Variants in ADAMTSL1 observed in about 807,000 individuals in gnomAD.
The protein encoded by ADAMTSL1 is ADAMTS-like protein 1.
In ADAMTSL1, 126 loss-of-function variants were observed where a neutral mutation model predicts 201.8. That is an observed-to-expected ratio of 0.62 (90% confidence interval 0.54 to 0.72). The LOEUF is 0.72. ADAMTSL1 is among the 30% of genes least tolerant of loss of function. The probability of loss-of-function intolerance (pLI) is 0.00; values close to 1 mark genes in which losing one functional copy is unlikely to be tolerated. For synonymous variants in ADAMTSL1, 1,121 were observed against 903.4 expected, an observed-to-expected ratio of 1.24 and a Z score of -4.32; for missense variants, 2,679 against 2,277.8, an observed-to-expected ratio of 1.18 and a Z score of -3.59.
intron 1 of ADAMTSL1, among the ~76,000 whole-genome samples, chr9:18,049,584 C>T (rs1335622943): frequency 6.6e-6 from 1 of 151,254 alleles, no homozygotes; most frequent in South Asian, 2.1e-4. Context: ...CCTGATGGAA[C>T]TAACTCTGAG....
rs1231663096 is a variant in ADAMTSL1 at position 18,399,306 on chromosome 9, TATATATATATATATATATATATAA to T, written c.208-105521_208-105498del. Among the ~76,000 whole-genome samples, 153 of 114,730 alleles carry T rather than the reference TATATATATATATATATATATATAA, an allele frequency of 1.3e-3. 5 individuals carry two copies. The highest frequency in any genetic ancestry group is 4.5e-3 in the African/African-American group (142 of 31,314). The allele number at this position is 114,730 out of a possible 152,430, so 75.3% of individuals were successfully genotyped here. On this transcript the variant is annotated intron_variant, in intron 2 of 29. Coordinates refer to the ADAMTSL1 transcript ENST00000680146. ...ATATATATATATATATATATATATATATATATATATATATATATATATAAAATTATTATTTTCTTTTTTTCTTTT... is the reference window on the plus strand; with the variant it reads ...ATATATATATATATATATATATATATAATTATTATTTTCTTTTTTTCTTTT...
intron 1 of ADAMTSL1, among the ~76,000 whole-genome samples, chr9:17,926,125 T>G (rs1826516870): frequency 6.6e-6 from 1 of 152,136 alleles, no homozygotes; most frequent in Non-Finnish European, 1.5e-5. Context: ...GGAAAGAAGT[T>G]TTCTTTATTG....
rs568007395 is a variant in ADAMTSL1 at position 18,736,367 on chromosome 9, G to C, written c.2006+14702G>C. On this transcript the variant is annotated intron_variant, in intron 15 of 28. Transcript: ENST00000380548. ...CTTCTTTTTTCTGTGTTACCTGCTA[G>C]GTACTACCATAGGCCTTGGGAAGGC... 6.6e-5 allele frequency among the ~76,000 whole-genome samples: 10 copies of C among 152,272 alleles called. No homozygotes were observed. In the South Asian group the frequency reaches 1.9e-3, roughly 28 times the overall value.
intron 2 of ADAMTSL1, among the ~76,000 whole-genome samples, chr9:18,322,634 T>TCAA (rs541232065): frequency 9.2e-5 from 14 of 151,920 alleles, no homozygotes; most frequent in South Asian, 2.1e-4. Context: ...AAACCCTGTC[T>TCAA]CAACAACAAC....
At chr9:18,663,704 A>G (rs147434899) in intron 9 of ADAMTSL1, among the ~76,000 whole-genome samples, 1,596 of 150,276 alleles carry the variant, frequency 0.011, 14 homozygotes, top group Non-Finnish European at 0.017. Flanking sequence ...CAACTTCATA[A>G]AGCTTTTTTC....
chr9:18,100,049 G>A (rs1824449519), intron 1 of ADAMTSL1, among the ~76,000 whole-genome samples: 2 of 151,850 alleles, frequency 1.3e-5, no homozygotes, highest in African/African-American at 4.8e-5. Flanking sequence ...TCATTTCTGA[G>A]TTTTTCTAAT....
At chr9:17,992,351 C>T (rs959707883) in intron 1 of ADAMTSL1, among the ~76,000 whole-genome samples, 8 of 152,110 alleles carry the variant, frequency 5.3e-5, no homozygotes, top group Non-Finnish European at 2.9e-5. Context: ...TACTTTGTTG[C>T]TTGTAAAATA....
At chr9:18,659,511 T>G (rs1828925618) in intron 8 of ADAMTSL1, among the ~76,000 whole-genome samples, 1 of 152,212 alleles carries the variant, frequency 6.6e-6, no homozygotes, top group Non-Finnish European at 1.5e-5. Context: ...ACGCCTGTAA[T>G]CCCAGCACTT....
At chr9:18,863,356 C>T (rs1363231205) in intron 23 of ADAMTSL1, among the ~76,000 whole-genome samples, 1 of 152,190 alleles carries the variant, frequency 6.6e-6, no homozygotes, top group Non-Finnish European at 1.5e-5. Context: ...GAGACGTTAG[C>T]ATACCCCCTG....
chr9:18,219,484 T>G (rs375691204), intron 2 of ADAMTSL1, among the ~76,000 whole-genome samples: 20 of 152,172 alleles, frequency 1.3e-4, no homozygotes, highest in East Asian at 5.8e-4. Flanking sequence ...TTCTCATGCC[T>G]TAGCCTCCTG....
intron 2 of ADAMTSL1, among the ~76,000 whole-genome samples, chr9:18,438,334 C>A (rs919734025): frequency 3.9e-5 from 6 of 152,118 alleles, no homozygotes; most frequent in Non-Finnish European, 7.4e-5. Flanking sequence ...GAGCTCCTCT[C>A]TGGAAAACAC....
chr9:18,221,030 C>G (rs1293280607), intron 2 of ADAMTSL1, among the ~76,000 whole-genome samples: 2 of 152,148 alleles, frequency 1.3e-5, no homozygotes, highest in Non-Finnish European at 2.9e-5. Flanking sequence ...CCTCTTTGGC[C>G]TCCCAAAGTT....
chr9:18,254,455 C>T (rs914338493), intron 2 of ADAMTSL1, among the ~76,000 whole-genome samples: 4 of 140,238 alleles, frequency 2.9e-5, no homozygotes, highest in Non-Finnish European at 6.0e-5. Context: ...CTCCACCTCC[C>T]GGGTTCACGC....
chr9:18,786,960 G>T (rs771419783), intron 19 of ADAMTSL1, among the ~76,000 whole-genome samples: 13 of 152,208 alleles, frequency 8.5e-5, no homozygotes, highest in Non-Finnish European at 1.8e-4. Flanking sequence ...GCAACTCAGA[G>T]TATCAGCAGA....
At chr9:18,584,798 G>T (rs1439904126) in intron 4 of ADAMTSL1, among the ~76,000 whole-genome samples, 1 of 151,964 alleles carries the variant, frequency 6.6e-6, no homozygotes, top group Non-Finnish European at 1.5e-5. Context: ...ATTGACTAGG[G>T]GCCTGAAAGA....
intron 2 of ADAMTSL1, among the ~76,000 whole-genome samples, chr9:18,308,582 A>G (rs547754522): frequency 6.6e-6 from 1 of 151,992 alleles, no homozygotes; most frequent in South Asian, 2.1e-4. Flanking sequence ...AAACTGGAAA[A>G]TGAAGAAGAA....
At chr9:18,386,129 C>T (rs1210845436) in intron 2 of ADAMTSL1, among the ~76,000 whole-genome samples, 1 of 152,146 alleles carries the variant, frequency 6.6e-6, no homozygotes, top group East Asian at 1.9e-4. Flanking sequence ...CTCTTTGTTG[C>T]AGGACTAGTG....
chr9:18,015,554 CGT>C (rs1820221971), intron 1 of ADAMTSL1, among the ~76,000 whole-genome samples: 1 of 151,998 alleles, frequency 6.6e-6, no homozygotes, highest in Admixed American at 6.6e-5. Context: ...TCACTTGACA[CGT>C]ATTATTGTTT....
intron 2 of ADAMTSL1, among the ~76,000 whole-genome samples, chr9:18,516,911 T>A (rs376420142): frequency 1.3e-5 from 2 of 152,184 alleles, no homozygotes; most frequent in African/African-American, 4.8e-5. Context: ...GTTGTGACTC[T>A]CCAGACCCCT....
Sources: allele counts gnomAD v4.1 joint callset (sites outside exome capture counted in the v4.1 genomes callset), GRCh38; gene constraint gnomAD v4.1.1; transcripts MANE v1.5; gene names NCBI Gene and HGNC (gene_info 2026-07-23, HGNC 2026-07-21).